Variants in CHRM3 observed in about 807,000 individuals in gnomAD.
CHRM3 encodes the protein muscarinic acetylcholine receptor M3.
In CHRM3, 11 loss-of-function variants were observed where a neutral mutation model predicts 41.8. That is an observed-to-expected ratio of 0.26 (90% CI 0.17 to 0.44). The LOEUF is 0.44. Among genes scored for constraint, CHRM3 ranks in the 20% least tolerant of loss-of-function variants. The pLI, the probability that CHRM3 is intolerant of heterozygous loss-of-function variation, is 1.00. For synonymous variants in CHRM3, 297 were observed against 301.4 expected, an observed-to-expected ratio of 0.99 and a Z score of 0.15; for missense variants, 571 against 745.4, an observed-to-expected ratio of 0.77 and a Z score of 2.72.
chr1:239,428,239 T>C (rs1043702996), intron 1 of CHRM3, among the ~76,000 whole-genome samples: 1 of 152,198 alleles, frequency 6.6e-6, no homozygotes, highest in Non-Finnish European at 1.5e-5. Flanking sequence ...TGCAGCTCCC[T>C]TAGGGTCTGA....
At chr1:239,801,806 C>T (rs1251289230) in intron 5 of CHRM3, among the ~76,000 whole-genome samples, 6 of 152,110 alleles carry the variant, frequency 3.9e-5, no homozygotes, top group Non-Finnish European at 8.8e-5. Flanking sequence ...ACCCAACTTT[C>T]AAGAAGCTTT....
intron 5 of CHRM3, among the ~76,000 whole-genome samples, chr1:239,767,517 G>C (rs922372939): frequency 2.0e-5 from 3 of 152,128 alleles, no homozygotes; most frequent in Non-Finnish European, 4.4e-5. Flanking sequence ...TCCTTTGATT[G>C]TAGCACACAT....
At chr1:239,588,677 C>T (rs953914973) in intron 3 of CHRM3, among the ~76,000 whole-genome samples, 1 of 152,110 alleles carries the variant, frequency 6.6e-6, no homozygotes, top group African/African-American at 2.4e-5. Context: ...ACAAAAGAAC[C>T]AAAATGCCAC....
In CHRM3 at chr1:239,708,736, C is replaced by CTTTTTTTTTTTTTTTT. The variant is rs869143310; in HGVS notation, c.-147+30460_-147+30475dup. On this transcript the variant is annotated intron_variant, in intron 5 of 6. Coordinates refer to ENST00000676153, the MANE Select transcript of CHRM3 (RefSeq NM_001375978.1). Reference sequence around the variant, plus strand: ...CTTTGTTTCTTCTGGTTTAAATTTTCTTTTTTTTTTTTTTTTTTTTTTTTT... The same window carrying CTTTTTTTTTTTTTTTT: ...CTTTGTTTCTTCTGGTTTAAATTTTCTTTTTTTTTTTTTTTTTTTTTTTTTTTTTTTTTTTTTTTTT... Among the ~76,000 whole-genome samples, 11 of 48,338 alleles carry CTTTTTTTTTTTTTTTT rather than the reference C, an allele frequency of 2.3e-4. 1 individual carries two copies. Among genetic ancestry groups the CTTTTTTTTTTTTTTTT allele is most frequent in the African/African-American group, 4.4e-4 (5 of 11,236 alleles). 31.7% of individuals were successfully genotyped at this position (48,338 alleles called of 152,430 possible).
At chr1:239,751,473 T>A (rs183659698) in intron 5 of CHRM3, among the ~76,000 whole-genome samples, 12 of 152,360 alleles carry the variant, frequency 7.9e-5, no homozygotes, top group African/African-American at 2.9e-4. Context: ...ATCTCTAATT[T>A]ACATCAGTCT....
intron 1 of CHRM3, among the ~76,000 whole-genome samples, chr1:239,428,011 T>A (rs1345999145): frequency 6.6e-6 from 1 of 152,142 alleles, no homozygotes; most frequent in African/African-American, 2.4e-5. Flanking sequence ...TCGGTGTCAT[T>A]GTTTTTGCAT....
intron 4 of CHRM3, among the ~76,000 whole-genome samples, chr1:239,671,238 C>G (rs1013529567): frequency 6.6e-6 from 1 of 152,172 alleles, no homozygotes; most frequent in African/African-American, 2.4e-5. Flanking sequence ...ACCAAACTCA[C>G]TGTGGGTTCT....
intron 3 of CHRM3, among the ~76,000 whole-genome samples, chr1:239,547,591 G>T (rs1398088871): frequency 6.6e-6 from 1 of 152,156 alleles, no homozygotes; most frequent in Non-Finnish European, 1.5e-5. Context: ...AGTCCATACT[G>T]CCTTTGTTCA....
intron 1 of CHRM3, among the ~76,000 whole-genome samples, chr1:239,482,595 G>A (rs542075366): frequency 4.6e-5 from 7 of 152,160 alleles, no homozygotes; most frequent in African/African-American, 1.7e-4. Flanking sequence ...ATATACCACT[G>A]CCTCCAGGGA....
At chr1:239,494,265 T>C (rs1667739899) in intron 2 of CHRM3, among the ~76,000 whole-genome samples, 1 of 152,110 alleles carries the variant, frequency 6.6e-6, no homozygotes, top group Non-Finnish European at 1.5e-5. Flanking sequence ...TGAGAGCAGC[T>C]AGGGATGGCT....
At chr1:239,825,467 A>T (rs1395009977) in intron 5 of CHRM3, among the ~76,000 whole-genome samples, 1 of 151,996 alleles carries the variant, frequency 6.6e-6, no homozygotes, top group East Asian at 1.9e-4. Flanking sequence ...CCCACAGTAC[A>T]CTCAGCACTT....
At chr1:239,880,030 GT>G (rs1332703336) in intron 6 of CHRM3, among the ~76,000 whole-genome samples, 1 of 152,158 alleles carries the variant, frequency 6.6e-6, no homozygotes, top group Non-Finnish European at 1.5e-5. Context: ...CAAAGAAAGG[GT>G]TTATTCACGA....
intron 6 of CHRM3, among the ~76,000 whole-genome samples, chr1:239,838,093 C>A (rs1673476853): frequency 6.6e-6 from 1 of 151,994 alleles, no homozygotes; most frequent in Admixed American, 6.6e-5. Context: ...ATCTTAAAGG[C>A]CAGGACATGT....
rs144624510 is a variant in CHRM3, at chr1:239,749,803, T to C, written c.-147+71515T>C. Among the ~76,000 whole-genome samples, 756 of 152,324 alleles carry C rather than the reference T, an allele frequency of 5.0e-3. 3 individuals are homozygous for C. Among genetic ancestry groups the C allele is most frequent in the African/African-American group, 0.018 (728 of 41,566 alleles). On this transcript the variant is annotated intron_variant, in intron 5 of 6. Coordinates refer to ENST00000676153, the MANE Select transcript of CHRM3 (RefSeq NM_001375978.1). ...GTATTTGTTAAATAAGAGTTTCTCT[T>C]GTAAAAGACATTAAAATTTAAGTAG...
chr1:239,465,697 TTATCA>T (rs1202435366), intron 1 of CHRM3, among the ~76,000 whole-genome samples: 1 of 152,194 alleles, frequency 6.6e-6, no homozygotes, highest in Non-Finnish European at 1.5e-5. Flanking sequence ...AGGTAATTCC[TTATCA>T]TATAATTCCG....
At chr1:239,568,930 A>G (rs1276143741) in intron 3 of CHRM3, among the ~76,000 whole-genome samples, 1 of 152,202 alleles carries the variant, frequency 6.6e-6, no homozygotes, top group Non-Finnish European at 1.5e-5. Flanking sequence ...AATCCTTTAT[A>G]TATAATGCCT....
At chr1:239,660,046 C>A (rs1262724997) in intron 4 of CHRM3, among the ~76,000 whole-genome samples, 2 of 152,172 alleles carry the variant, frequency 1.3e-5, no homozygotes, top group Non-Finnish European at 2.9e-5. Flanking sequence ...CTGCAGCGTC[C>A]AAATCCTGGG....
chr1:239,602,267 A>G (rs776303418), intron 3 of CHRM3, among the ~76,000 whole-genome samples: 90 of 151,754 alleles, frequency 5.9e-4, no homozygotes, highest in Non-Finnish European at 9.9e-4. Context: ...CCCGAGTAAT[A>G]AAAATTCATT....
intron 6 of CHRM3, among the ~76,000 whole-genome samples, chr1:239,863,255 G>T (rs552707993): frequency 2.6e-4 from 40 of 152,202 alleles, no homozygotes; most frequent in African/African-American, 9.2e-4. Flanking sequence ...GGTAGCAACC[G>T]CCTTCAAAGG....
Sources: gnomAD v4.1 joint callset for allele counts (sites outside exome capture counted in the v4.1 genomes callset) on GRCh38, gnomAD v4.1.1 for gene constraint, MANE v1.5 for transcripts, NCBI Gene and HGNC (gene_info 2026-07-23, HGNC 2026-07-21) for gene names.